Variants in COA1 observed in about 807,000 individuals in gnomAD.
COA1 encodes the protein cytochrome c oxidase assembly factor 1.
A neutral mutation model predicts 16.0 loss-of-function variants in COA1; 13 were observed. The observed-to-expected ratio is 0.81, with a 90% CI of 0.53 to 1.29. The LOEUF (loss-of-function observed/expected upper bound fraction) is 1.29, where lower values mean the gene tolerates loss of function less well. Ranked by LOEUF, COA1 falls within the 50% of genes most tolerant of loss-of-function variation. The pLI, the probability that COA1 is intolerant of heterozygous loss-of-function variation, is 0.00. For missense variants in COA1, 179 were observed against 177.0 expected (o/e 1.01, Z -0.06); for synonymous variants, 65 against 65.7 (o/e 0.99, Z 0.05).
At chr7:43,691,338 A>AGG (rs2094313696) in intron 1 of COA1, among the ~76,000 whole-genome samples, 2 of 36,478 alleles carry the variant, frequency 5.5e-5, no homozygotes, top group Non-Finnish European at 1.0e-4. Context: ...AGAGAAAGAG[A>AGG]GAGAGGGAGG....
intron 4 of COA1, among the ~76,000 whole-genome samples, chr7:43,643,572 C>CA (rs2087802244): frequency 6.6e-6 from 1 of 152,226 alleles, no homozygotes; most frequent in African/African-American, 2.4e-5. Flanking sequence ...TCCTTCCACT[C>CA]ACGTCCATGC....
At chr7:43,696,273 T>A (rs2094522851) in intron 1 of COA1, among the ~76,000 whole-genome samples, 2 of 152,166 alleles carry the variant, frequency 1.3e-5, no homozygotes, top group Admixed American at 1.3e-4. Context: ...TATAAAACCA[T>A]CAGATCTTGT....
At chr7:43,639,815 G>A (rs1563209389) in intron 5 of COA1, 134 bp from the exon 6 acceptor site, 3 of 618,902 alleles carry the variant, frequency 4.8e-6, no homozygotes, top group East Asian at 5.8e-5. Flanking sequence ...TTGTGCGAGT[G>A]CTGTGTCAAC....
intron 1 of COA1, among the ~76,000 whole-genome samples, chr7:43,676,010 A>C (rs544998126): frequency 7.9e-5 from 12 of 152,194 alleles, no homozygotes; most frequent in Non-Finnish European, 1.8e-4. Flanking sequence ...ACTGCTTCTT[A>C]TTCTCACTTA....
intron 1 of COA1, 109 bp from the exon 2 acceptor site, chr7:43,648,761 G>A: frequency 3.9e-6 from 3 of 766,554 alleles, no homozygotes; most frequent in Non-Finnish European, 6.3e-6. Context: ...ACACGAACAA[G>A]AAGTTAAAAT....
At chr7:43,683,775 T>C (rs1438567036) in intron 1 of COA1, among the ~76,000 whole-genome samples, 1 of 152,226 alleles carries the variant, frequency 6.6e-6, no homozygotes, top group Non-Finnish European at 1.5e-5. Flanking sequence ...ATTATCACCA[T>C]TTTAAAGATT....
chr7:43,632,645 TCTC>T (rs1339285854), intron 6 of COA1: 1 of 152,202 alleles, frequency 6.6e-6, no homozygotes, highest in Non-Finnish European at 1.5e-5. Context: ...ACAGTATTCA[TCTC>T]CTTGTACATC....
intron 1 of COA1, among the ~76,000 whole-genome samples, chr7:43,726,781 C>A (rs2095625509): frequency 6.6e-6 from 1 of 152,154 alleles, no homozygotes; most frequent in African/African-American, 2.4e-5. Context: ...AAAAGACTAT[C>A]ACATATCTGA....
chr7:43,700,444 T>C lies in COA1; in HGVS notation c.-39+28985A>G, dbSNP rs1351019120. ...TCTTCTAGACCCATATTCTGACTCA[T>C]TCCGGCCTGAGATTTCAAATACGTT... On this transcript the variant is annotated intron_variant, in intron 1 of 5. Transcript: ENST00000223336. 2.6e-5 allele frequency among the ~76,000 whole-genome samples: 4 copies of C among 151,852 alleles called. No homozygotes were observed. In the East Asian group the frequency reaches 7.7e-4, roughly 29 times the overall value.
intron 1 of COA1, chr7:43,658,996 T>C (rs2092137782): frequency 6.6e-6 from 1 of 152,326 alleles, no homozygotes; most frequent in Admixed American, 6.5e-5. Flanking sequence ...TAAGAGAAGA[T>C]GCTGAAGGTT....
intron 6 of COA1, among the ~76,000 whole-genome samples, chr7:43,630,107 G>A (rs972193280): frequency 6.6e-6 from 1 of 152,100 alleles, no homozygotes; most frequent in African/African-American, 2.4e-5. Context: ...GTGAACAGTT[G>A]TGACAGAGAT....
At chr7:43,725,377 T>G (rs1275154356) in intron 1 of COA1, among the ~76,000 whole-genome samples, 5 of 152,214 alleles carry the variant, frequency 3.3e-5, no homozygotes, top group Non-Finnish European at 7.3e-5. Context: ...TTATGTATAT[T>G]CTATCACAAT....
At chr7:43,612,116 C>A (rs560867047) in intron 6 of COA1, among the ~76,000 whole-genome samples, 2 of 152,196 alleles carry the variant, frequency 1.3e-5, no homozygotes, top group African/African-American at 4.8e-5. Flanking sequence ...AGAATTCTTT[C>A]CAGATTCAGT....
intron 1 of COA1, among the ~76,000 whole-genome samples, chr7:43,700,566 G>A (rs2131360125): frequency 7.1e-6 from 1 of 141,774 alleles, no homozygotes; most frequent in South Asian, 2.3e-4. Context: ...GTATATATAT[G>A]TACACATATA....
downstream of COA1, chr7:43,639,196 T>G (rs1178331332): frequency 1.3e-5 from 2 of 158,634 alleles, no homozygotes; most frequent in African/African-American, 4.8e-5. Flanking sequence ...GGCTTTGTAA[T>G]GAGGACTGAA....
chr7:43,696,825 T>A (rs1043094505), intron 1 of COA1, among the ~76,000 whole-genome samples: 4 of 146,622 alleles, frequency 2.7e-5, no homozygotes, highest in African/African-American at 9.7e-5. Flanking sequence ...TTTCTTTCTT[T>A]ACAAAAAAGA....
chr7:43,621,078 A>C (rs565206605), intron 6 of COA1, among the ~76,000 whole-genome samples: 3 of 152,332 alleles, frequency 2.0e-5, no homozygotes, highest in East Asian at 3.9e-4. Context: ...GGAGCACAGA[A>C]AGACTCAGGA....
intron 6 of COA1, among the ~76,000 whole-genome samples, chr7:43,610,212 T>C (rs1185271624): frequency 6.6e-6 from 1 of 151,038 alleles, no homozygotes; most frequent in Non-Finnish European, 1.5e-5. Context: ...CCAGGCATGG[T>C]GGTGGGTGCC....
At chr7:43,670,383 GC>G (rs1684159718) in intron 1 of COA1, among the ~76,000 whole-genome samples, 1 of 152,076 alleles carries the variant, frequency 6.6e-6, no homozygotes, top group Non-Finnish European at 1.5e-5. Context: ...AACCTGGGAG[GC>G]AGAGGCTGCA....
Sources: gnomAD v4.1 joint callset for allele counts (sites outside exome capture counted in the v4.1 genomes callset) on GRCh38, gnomAD v4.1.1 for gene constraint, MANE v1.5 for transcripts, NCBI Gene and HGNC (gene_info 2026-07-23, HGNC 2026-07-21) for gene names.